The following DMD variants were observed in gnomAD, a reference collection of about 807,000 sequenced individuals.
DMD encodes the protein dystrophin, also known as mutant dystrophin.
In DMD, 63 loss-of-function variants were observed where a neutral mutation model predicts 330.1. The ratio of observed to expected loss-of-function variants is 0.19; its 90% CI spans 0.16 to 0.24. The LOEUF is 0.24. Ranked by LOEUF, DMD falls within the 10% of genes least tolerant of loss-of-function variation. DMD has a pLI of 1.00. For missense variants in DMD, 3,344 were observed against 2,684.1 expected (o/e 1.25, Z -5.43); for synonymous variants, 1,223 against 959.8 (o/e 1.27, Z -5.07).
intron 7 of DMD, among the ~76,000 whole-genome samples, chrX:32,740,628 C>G (rs1484652036): frequency 9.0e-6 from 1 of 111,193 alleles, no homozygotes; most frequent in Non-Finnish European, 1.9e-5. Flanking sequence ...ATTATAAAAG[C>G]ATAAAGTTTA....
chrX:31,591,590 T>C (rs759977971), intron 55 of DMD, among the ~76,000 whole-genome samples: 48 of 111,714 alleles, frequency 4.3e-4, no homozygotes, highest in African/African-American at 1.4e-3. Flanking sequence ...ATTGCCAATT[T>C]AGAAATGTAA....
intron 17 of DMD, 127 bp downstream of exon 17, chrX:32,545,032 C>A: frequency 1.6e-6 from 1 of 631,428 alleles, no homozygotes; most frequent in African/African-American, 2.2e-5. Flanking sequence ...TTTCTCACTA[C>A]ATTAACTGAC....
At chrX:32,089,447 C>T (rs977052040) in intron 44 of DMD, among the ~76,000 whole-genome samples, 1 of 111,370 alleles carries the variant, frequency 9.0e-6, no homozygotes, top group Non-Finnish European at 1.9e-5. Flanking sequence ...TTGTGTTCCA[C>T]CCTCCAGTAG....
chrX:31,169,706 A>G, intron 73 of DMD, 105 bp from the exon 74 acceptor site: 1 of 788,406 alleles, frequency 1.3e-6, no homozygotes, highest in Non-Finnish European at 1.9e-6. Context: ...ATTTGCTCTT[A>G]ACAATTAATT....
Position 32,614,375 on chromosome X carries a change from T to G in DMD, c.1410A>C (p.Arg470Ser). The G allele has an allele frequency of 8.3e-7, 1 of 1,208,580 alleles. No individual in the cohort carries two copies. The highest frequency in any genetic ancestry group is 1.1e-6 in the Non-Finnish European group (1 of 893,479). Residue 470 changes from arginine (R) to serine (S), a missense_variant, in exon 12 of 79, where the codon AGA becomes AGC. Physicochemically the swap from Arg to Ser is moderately radical, Grantham distance 110 (BLOSUM62 -1). Transcript: ENST00000357033. ...GAGGCTCTTCCTCCATTTTCCTTGT[T>G]CTTTCTTCTGTTTTTGTTAGCCAGT... ...LNDWLTKTEE[R>S]TRKMEEEPLG...
rs1432017282 is a variant in DMD at position 32,680,792 on chromosome X, GCACACACACACAGAAACACATACA to G, written c.960+17054_960+17077del. 3.3e-3 allele frequency among the ~76,000 whole-genome samples: 358 copies of G among 107,540 alleles called. 2 individuals carry two copies. The highest frequency in any genetic ancestry group is 0.012 in the African/African-American group (343 of 28,559). 93.4% of individuals were successfully genotyped at this position (107,540 alleles called of 115,157 possible). On this transcript the variant is annotated intron_variant, in intron 9 of 78. Coordinates refer to ENST00000357033, the MANE Select transcript of DMD (RefSeq NM_004006.3). ...CCACCCACCCCAACCTTTCTCCCCA[GCACACACACACAGAAACACATACA>G]CACACACACACAGTCAAAGTTGTTT...
intron 1 of DMD, among the ~76,000 whole-genome samples, chrX:33,118,045 T>A (rs139029200): frequency 4.6e-3 from 504 of 110,582 alleles, no homozygotes; most frequent in African/African-American, 0.015. Context: ...AGCCAGAAGC[T>A]ATCTAATTTA....
chrX:32,743,183 CAGG>C (rs1278196511), intron 7 of DMD, among the ~76,000 whole-genome samples: 1 of 111,340 alleles, frequency 9.0e-6, no homozygotes. Flanking sequence ...AGATGACCAG[CAGG>C]AGTTGGTGTA....
chrX:31,588,211 C>T (rs183830310), intron 55 of DMD, among the ~76,000 whole-genome samples: 2 of 111,687 alleles, frequency 1.8e-5, no homozygotes, highest in African/African-American at 6.5e-5. Context: ...CTTGGAAGGC[C>T]AGGGAGAGAC....
intron 55 of DMD, among the ~76,000 whole-genome samples, chrX:31,543,904 G>T (rs2073993422): frequency 9.0e-6 from 1 of 111,567 alleles, no homozygotes; most frequent in African/African-American, 3.3e-5. Flanking sequence ...ATTTGGTGAG[G>T]TTAAAGAAAT....
intron 43 of DMD, among the ~76,000 whole-genome samples, chrX:32,279,996 A>ATGTACCCTACATATATATATG (rs1280754843): frequency 1.7e-4 from 11 of 65,047 alleles, no homozygotes; most frequent in Non-Finnish European, 2.8e-4. Flanking sequence ...ATATATATAT[A>ATGTACCCTACATATATATATG]TGTACCCCAC....
At chrX:32,948,090 C>T (rs1342314291) in intron 2 of DMD, among the ~76,000 whole-genome samples, 1 of 104,484 alleles carries the variant, frequency 9.6e-6, no homozygotes, top group East Asian at 3.3e-4. Context: ...AAACCCCACT[C>T]AAAATTGACA....
intron 42 of DMD, among the ~76,000 whole-genome samples, chrX:32,290,952 CGAA>C (rs772534894): frequency 1.8e-5 from 2 of 111,592 alleles, no homozygotes; most frequent in African/African-American, 3.3e-5. Context: ...AAAGAATTCA[CGAA>C]GAAGGTGCAA....
chrX:31,468,922 A>AT (rs932624723), intron 59 of DMD, among the ~76,000 whole-genome samples: 6 of 109,909 alleles, frequency 5.5e-5, no homozygotes, highest in East Asian at 5.7e-4. Context: ...ATGTAATACC[A>AT]TTTTTTTTGT....
intron 7 of DMD, among the ~76,000 whole-genome samples, chrX:32,736,641 T>A (rs1240651606): frequency 9.2e-6 from 1 of 109,249 alleles, no homozygotes; most frequent in Non-Finnish European, 1.9e-5. Context: ...TTGGAAATCA[T>A]CATTCTCAGT....
Position 33,263,439 on chromosome X carries a change from AT to A in DMD, c.7+75819del, listed in dbSNP as rs751416765. The stretch of plus-strand genomic sequence containing the variant: ...CCAGAGTCAGAGAGCTTTTTAAAAA[AT>A]ATATATATATATATATAGAAAACTG... On this transcript the variant is annotated intron_variant, in intron 1 of 17. Coordinates refer to the DMD transcript ENST00000288447. Among the ~76,000 whole-genome samples the A allele has an allele frequency of 1.3e-3, 122 of 96,297 alleles. 1 individual carries two copies. Among genetic ancestry groups the A allele is most frequent in the South Asian group, 5.7e-3 (14 of 2,441 alleles). 83.6% of individuals were successfully genotyped at this position (96,297 alleles called of 115,157 possible).
In DMD at chrX:31,423,799, T is replaced by G. The variant is rs368340816; in HGVS notation, c.9084+20682A>C. On this transcript the variant is annotated intron_variant, in intron 60 of 78. Coordinates refer to ENST00000357033, the MANE Select transcript of DMD (RefSeq NM_004006.3). ...GAATCAGGATCTCAGGGACGGCAAATTAGGCTCCCTGGATATGGGAATTAG... is the reference window on the plus strand; with the variant it reads ...GAATCAGGATCTCAGGGACGGCAAAGTAGGCTCCCTGGATATGGGAATTAG... 2.0e-4 allele frequency among the ~76,000 whole-genome samples: 22 copies of G among 111,482 alleles called. No homozygotes were observed. In the South Asian group the frequency reaches 8.4e-3, roughly 42 times the overall value.
At chrX:31,280,850 T>C (rs1054504670) in intron 62 of DMD, among the ~76,000 whole-genome samples, 1 of 111,824 alleles carries the variant, frequency 8.9e-6, no homozygotes, top group Non-Finnish European at 1.9e-5. Context: ...GAAATTGCCT[T>C]TAGGGGTGAG....
chrX:32,414,838 A>G (rs1020288836), intron 29 of DMD, among the ~76,000 whole-genome samples: 19 of 112,126 alleles, frequency 1.7e-4, no homozygotes, highest in African/African-American at 6.2e-4. Flanking sequence ...TGTATCCAAG[A>G]TTGGTGACCG....
Sources: gnomAD v4.1 joint callset for allele counts (sites outside exome capture counted in the v4.1 genomes callset) on GRCh38, gnomAD v4.1.1 for gene constraint, MANE v1.5 for transcripts, NCBI Gene and HGNC (gene_info 2026-07-23, HGNC 2026-07-21) for gene names.